ANKRD13C: variants seen among roughly 807,000 people sequenced by gnomAD.
ANKRD13C encodes ankyrin repeat domain-containing protein 13C.
A neutral mutation model predicts 65.5 loss-of-function variants in ANKRD13C; 16 were observed. That is an observed-to-expected ratio of 0.24 (90% CI 0.17 to 0.37). The LOEUF is 0.37. ANKRD13C is among the 10% of genes least tolerant of loss of function. The probability of loss-of-function intolerance (pLI) is 1.00; values close to 1 mark genes in which losing one functional copy is unlikely to be tolerated. For synonymous variants in ANKRD13C, 235 were observed against 238.7 expected (o/e 0.98, Z 0.14); for missense variants, 503 against 655.9 (o/e 0.77, Z 2.55).
At chr1:70,272,160 TTTC>T (rs1298721058) in intron 11 of ANKRD13C, among the ~76,000 whole-genome samples, 3 of 149,112 alleles carry the variant, frequency 2.0e-5, no homozygotes, top group Non-Finnish European at 4.4e-5. Context: ...TATAGGTAAT[TTTC>T]TTTTTTTTTT....
intron 5 of ANKRD13C, among the ~76,000 whole-genome samples, chr1:70,313,321 G>T (rs1395110668): frequency 6.6e-6 from 1 of 152,080 alleles, no homozygotes; most frequent in Non-Finnish European, 1.5e-5. Context: ...TTGAGCCCAG[G>T]TGTTCTAGAC....
At chr1:70,330,574 C>CAAAAAAAAAAAAAAAAAAAACAAA (rs1681744427) in intron 2 of ANKRD13C, among the ~76,000 whole-genome samples, 1 of 68,396 alleles carries the variant, frequency 1.5e-5, no homozygotes, top group Non-Finnish European at 2.8e-5. Context: ...ACAAACAAAC[C>CAAAAAAAAAAAAAAAAAAAACAAA]AAAAAAAAAA....
At position 70,292,460 on chromosome 1, in the gene ANKRD13C, C is replaced by A. The variant is rs760884905; in HGVS notation, c.1143G>T (p.Glu381Asp). The change falls in exon 9 of 13, where the codon GAG becomes GAT. Residue 381 changes from glutamate to aspartate, a missense_variant. By Grantham distance (45) the Glu-to-Asp change is conservative. Transcript: ENST00000370944. ...SRKRREHLSE[E>D]DILRNKAIME... ...TGATGGCCTTATTTCGAAGAATATC[C>A]TCTTCACTGAGATGTTCTCTTCTTT... 6.2e-6 allele frequency: 10 copies of A among 1,608,780 alleles called. No homozygotes were observed. The Admixed American group carries it at 1.5e-4, about 25-fold the overall frequency.
chr1:70,298,952 C>T (rs1277266256), intron 7 of ANKRD13C, among the ~76,000 whole-genome samples: 2 of 152,016 alleles, frequency 1.3e-5, no homozygotes, highest in African/African-American at 4.8e-5. Flanking sequence ...GTAGAATGTA[C>T]TGATGCTGTA....
rs1358930169 is a variant in ANKRD13C, at chr1:70,274,725, T to C, written c.1389A>G (p.Ile463Met). 48 of 1,608,486 alleles carry C rather than the reference T, an allele frequency of 3.0e-5. 1 individual carries two copies. Among genetic ancestry groups the C allele is most frequent in the Non-Finnish European group, 4.1e-5 (48 of 1,175,068 alleles). The change falls in exon 11 of 13, where the codon ATA (isoleucine) becomes ATG (methionine). Residue 463 changes from isoleucine to methionine, a missense_variant. Physicochemically the swap from Ile to Met is conservative, Grantham distance 10 (BLOSUM62 1). Around this residue, in one of 2 missense-constraint regions of ANKRD13C, gnomAD observed 300 missense variants for 478.3 expected, o/e 0.63. Transcript: ENST00000370944. ...IAMSQEFPLG[I>M]ELLLNVLEVV... ...GTAGTTAGTAACAAACTTACAACTC[T>C]ATCCCTAAGGGAAATTCCTGGCTCA...
At chr1:70,344,063 C>T (rs1023803516) in intron 1 of ANKRD13C, among the ~76,000 whole-genome samples, 2 of 151,774 alleles carry the variant, frequency 1.3e-5, no homozygotes, top group East Asian at 1.9e-4. Flanking sequence ...TTTCAGAGGC[C>T]GAGGCGGATA....
chr1:70,299,262 G>T (rs1295474966), intron 7 of ANKRD13C, among the ~76,000 whole-genome samples: 2 of 152,152 alleles, frequency 1.3e-5, no homozygotes, highest in East Asian at 1.9e-4. Flanking sequence ...CAGTATGAGG[G>T]TATCTAAAAT....
chr1:70,306,172 T>G lies in ANKRD13C; in HGVS notation c.776+52A>C, dbSNP rs376915433. 6.0e-6 allele frequency: 8 copies of G among 1,323,482 alleles called. No homozygotes were observed. The African/African-American group carries it at 8.9e-5, about 15-fold the overall frequency. 82.0% of individuals were successfully genotyped at this position (1,323,482 alleles called of 1,614,324 possible). A position where few individuals can be genotyped will look rare whatever the true frequency, so the allele number is the denominator to read the frequency against. ...AGTTATGATTACAGGGAAAAAAATC[T>G]TCCTCTAAATCTCAACTTTCTTTTA... On this transcript the variant is annotated intron_variant, in intron 6 of 12. Coordinates refer to ENST00000370944, the MANE Select transcript of ANKRD13C (RefSeq NM_030816.5).
chr1:70,352,440 A>C (rs972152923), intron 1 of ANKRD13C, among the ~76,000 whole-genome samples: 1 of 152,154 alleles, frequency 6.6e-6, no homozygotes, highest in Non-Finnish European at 1.5e-5. Context: ...TTTGAACTTA[A>C]ACAAATGTAC....
intron 8 of ANKRD13C, among the ~76,000 whole-genome samples, chr1:70,294,227 A>G (rs1679980821): frequency 1.3e-5 from 2 of 152,250 alleles, no homozygotes; most frequent in Non-Finnish European, 2.9e-5. Flanking sequence ...TTATGAGCTC[A>G]TATTTACATA....
Position 70,354,248 on chromosome 1 carries a change from A to T in ANKRD13C, c.161T>A (p.Phe54Tyr). ...CTGTAGCCGGTGGTGATGGTTACTG[A>T]AGATCTTATGACAAGCTTTGCCGCC... Reference protein sequence around the residue: ...GKGGKACHKIFSNHHHRLQLK... With the variant: ...GKGGKACHKIYSNHHHRLQLK... The change falls in exon 1 of 13, where the codon TTC becomes TAC. Residue 54 changes from phenylalanine (F) to tyrosine (Y), a missense_variant. Around this residue, in one of 2 missense-constraint regions of ANKRD13C, gnomAD observed 203 missense variants for 177.6 expected, o/e 1.14. Transcript: ENST00000370944. 1 of 1,613,550 alleles carries T rather than the reference A, an allele frequency of 6.2e-7. No individual in the cohort carries two copies. Among genetic ancestry groups the T allele is most frequent in the Non-Finnish European group, 8.5e-7 (1 of 1,179,986 alleles).
intron 1 of ANKRD13C, 91 bp downstream of exon 1, chr1:70,353,888 T>C (rs1572200077): frequency 1.6e-5 from 22 of 1,411,322 alleles, no homozygotes; most frequent in South Asian, 6.9e-5. Flanking sequence ...AAGAAGAGTC[T>C]GCTGGAGGGG....
At chr1:70,275,331 A>G (rs1558264064) in intron 10 of ANKRD13C, among the ~76,000 whole-genome samples, 1 of 152,230 alleles carries the variant, frequency 6.6e-6, no homozygotes, top group Non-Finnish European at 1.5e-5. Flanking sequence ...TCTGTAAAAT[A>G]GAATGAGCGT....
At chr1:70,276,687 CA>C in intron 10 of ANKRD13C, 77 bp downstream of exon 10, 1 of 1,159,232 alleles carries the variant, frequency 8.6e-7, no homozygotes. Context: ...TAATTTACGC[CA>C]AAATATTCAC....
chr1:70,351,754 G>T (rs1237505665), intron 1 of ANKRD13C, among the ~76,000 whole-genome samples: 4 of 152,020 alleles, frequency 2.6e-5, no homozygotes, highest in Admixed American at 2.6e-4. Flanking sequence ...TAATTTTAAA[G>T]CAAAAATATC....
At chr1:70,313,192 A>G (rs1250458414) in intron 5 of ANKRD13C, among the ~76,000 whole-genome samples, 1 of 152,214 alleles carries the variant, frequency 6.6e-6, no homozygotes, top group East Asian at 1.9e-4. Context: ...CTGTTTGTAA[A>G]ACAAAATTTT....
chr1:70,327,335 A>G (rs1044347107), intron 2 of ANKRD13C, among the ~76,000 whole-genome samples: 1 of 152,204 alleles, frequency 6.6e-6, no homozygotes, highest in Non-Finnish European at 1.5e-5. Context: ...CTGATTTTCA[A>G]TTCACAGAAA....
chr1:70,339,315 AT>A (rs781339493), intron 1 of ANKRD13C, among the ~76,000 whole-genome samples: 11,486 of 127,764 alleles, frequency 0.09, 440 homozygotes, highest in East Asian at 0.3. Context: ...CTATCATTCC[AT>A]TTTTTTTTTT....
At chr1:70,308,945 T>C (rs1405198058) in intron 5 of ANKRD13C, among the ~76,000 whole-genome samples, 1 of 152,134 alleles carries the variant, frequency 6.6e-6, no homozygotes, top group Non-Finnish European at 1.5e-5. Flanking sequence ...TTTAGCACAG[T>C]ATTCCAACAG....
Sources: gnomAD v4.1 joint callset for allele counts (sites outside exome capture counted in the v4.1 genomes callset) on GRCh38, gnomAD v4.1.1 for gene constraint, gnomAD v4.1.1 regional missense constraint, MANE v1.5 for transcripts, NCBI Gene and HGNC (gene_info 2026-07-23, HGNC 2026-07-21) for gene names.